KCTD16: variants seen among roughly 807,000 people sequenced by gnomAD.
The protein encoded by KCTD16 is potassium channel tetramerization domain containing 16, also known as BTB/POZ domain-containing protein KCTD16.
A neutral mutation model predicts 33.2 loss-of-function variants in KCTD16; 13 were observed. The observed-to-expected ratio is 0.39, with a 90% confidence interval of 0.25 to 0.62. The LOEUF is 0.62. KCTD16 is among the 20% of genes least tolerant of loss of function. KCTD16 has a pLI of 0.50. For synonymous variants in KCTD16, 197 were observed against 195.3 expected (o/e 1.01, Z -0.07); for missense variants, 441 against 525.1 (o/e 0.84, Z 1.57).
At chr5:144,305,558 G>T (rs1751580801) in intron 3 of KCTD16, among the ~76,000 whole-genome samples, 2 of 152,208 alleles carry the variant, frequency 1.3e-5, no homozygotes, top group South Asian at 4.1e-4. Context: ...GCTCACGCCT[G>T]TAATCCCAGC....
At chr5:144,425,516 G>A (rs999299625) in intron 3 of KCTD16, among the ~76,000 whole-genome samples, 9 of 151,796 alleles carry the variant, frequency 5.9e-5, no homozygotes, top group South Asian at 2.1e-4. Context: ...CTCTACTCCC[G>A]CAAGTTTCTT....
In KCTD16 at chr5:144,467,026, A is replaced by ATATATAGTGTT. The variant is rs1754353658; in HGVS notation, c.833-6634_833-6633insTATATAGTGTT. 4.1e-5 allele frequency among the ~76,000 whole-genome samples: 5 copies of ATATATAGTGTT among 123,456 alleles called. No homozygotes were observed. In the South Asian group the frequency reaches 9.4e-4, roughly 23 times the overall value. The allele number at this position is 123,456 out of a possible 152,430, so 81.0% of individuals were successfully genotyped here. A position where few individuals can be genotyped will look rare whatever the true frequency, so the allele number is the denominator to read the frequency against. ...ATATATTATATATAATATATATAAC[A>ATATATAGTGTT]CTATATATTATATATAATATATATA... On this transcript the variant is annotated intron_variant, in intron 3 of 3. Transcript: ENST00000512467.
At chr5:144,301,750 T>TA (rs1751450022) in intron 3 of KCTD16, among the ~76,000 whole-genome samples, 1 of 152,218 alleles carries the variant, frequency 6.6e-6, no homozygotes, top group Non-Finnish European at 1.5e-5. Flanking sequence ...ATGCTTCCCT[T>TA]AGCAACCAAG....
chr5:144,437,199 C>T lies in KCTD16; in HGVS notation c.833-36461C>T, dbSNP rs1417424515. 2.0e-5 allele frequency among the ~76,000 whole-genome samples: 3 copies of T among 152,250 alleles called. No individual in the cohort carries two copies. In the East Asian group the frequency reaches 5.8e-4, roughly 29 times the overall value. On this transcript the variant is annotated intron_variant, in intron 3 of 3. Coordinates refer to ENST00000512467, the MANE Select transcript of KCTD16 (RefSeq NM_020768.4). ...AATCCTCATGTATCTTTTGCATTTG[C>T]ATCATCTCCCTCAGGTGTGAATTTC...
chr5:144,246,721 CT>C (rs1298170798), intron 3 of KCTD16, among the ~76,000 whole-genome samples: 2 of 152,110 alleles, frequency 1.3e-5, no homozygotes, highest in African/African-American at 4.8e-5. Context: ...AAAATCAAGC[CT>C]TTATTGATCT....
At chr5:144,394,227 T>G (rs985090024) in intron 3 of KCTD16, among the ~76,000 whole-genome samples, 4 of 152,216 alleles carry the variant, frequency 2.6e-5, no homozygotes, top group African/African-American at 9.6e-5. Context: ...TCATGGATCA[T>G]GACAATGTCA....
chr5:144,293,434 TG>T (rs1441689320), intron 3 of KCTD16, among the ~76,000 whole-genome samples: 4 of 152,250 alleles, frequency 2.6e-5, no homozygotes, highest in African/African-American at 7.2e-5. Context: ...TTTAAAATTA[TG>T]GCTTTTCTAG....
At chr5:144,442,853 A>ATACCAGG (rs544861816) in intron 3 of KCTD16, among the ~76,000 whole-genome samples, 3,911 of 151,300 alleles carry the variant, frequency 0.026, 161 homozygotes, top group African/African-American at 0.091. Flanking sequence ...CCTTTGCTCT[A>ATACCAGG]TACTAGGTAC....
chr5:144,294,465 T>C (rs1215664718), intron 3 of KCTD16, among the ~76,000 whole-genome samples: 1 of 151,864 alleles, frequency 6.6e-6, no homozygotes, highest in Non-Finnish European at 1.5e-5. Context: ...TCTCTGGGTG[T>C]ATGTAAGCAT....
intron 3 of KCTD16, among the ~76,000 whole-genome samples, chr5:144,210,404 T>A (rs1753346449): frequency 6.6e-6 from 1 of 152,130 alleles, no homozygotes; most frequent in Non-Finnish European, 1.5e-5. Context: ...CTAAAAGAGT[T>A]AATATGAGTG....
intron 3 of KCTD16, chr5:144,384,426 T>C (rs370839093): frequency 3.3e-5 from 5 of 152,238 alleles, no homozygotes; most frequent in East Asian, 3.8e-4. Context: ...ACTGTTGGCA[T>C]TGCTGCTGAA....
chr5:144,283,893 A>G (rs1755671989), intron 3 of KCTD16, among the ~76,000 whole-genome samples: 1 of 152,174 alleles, frequency 6.6e-6, no homozygotes, highest in Non-Finnish European at 1.5e-5. Context: ...CAGAAATCTA[A>G]CAATATATTT....
chr5:144,221,308 T>C (rs1357537369), intron 3 of KCTD16, among the ~76,000 whole-genome samples: 2 of 152,196 alleles, frequency 1.3e-5, no homozygotes, highest in Non-Finnish European at 2.9e-5. Context: ...GGGATACATG[T>C]GCAGAACGTG....
chr5:144,187,046 T>G (rs1752741519), intron 2 of KCTD16, among the ~76,000 whole-genome samples: 1 of 152,146 alleles, frequency 6.6e-6, no homozygotes, highest in African/African-American at 2.4e-5. Flanking sequence ...GTCAAAGAAC[T>G]CCTTAGGGCT....
At chr5:144,293,898 G>A (rs1755963438) in intron 3 of KCTD16, among the ~76,000 whole-genome samples, 1 of 152,242 alleles carries the variant, frequency 6.6e-6, no homozygotes, top group East Asian at 1.9e-4. Flanking sequence ...GGTGGCTCAC[G>A]CCTGTAATCC....
At chr5:144,455,631 G>A (rs922265847) in intron 3 of KCTD16, among the ~76,000 whole-genome samples, 2 of 152,166 alleles carry the variant, frequency 1.3e-5, no homozygotes, top group Non-Finnish European at 2.9e-5. Context: ...TGAAGGATGG[G>A]TTGACTGTGA....
chr5:144,369,459 C>T (rs922680106), intron 3 of KCTD16: 7 of 152,118 alleles, frequency 4.6e-5, no homozygotes, highest in Non-Finnish European at 1.0e-4. Context: ...GTAGTCAACA[C>T]GTAATATGCA....
intron 3 of KCTD16, among the ~76,000 whole-genome samples, chr5:144,307,546 A>G (rs1193486065): frequency 6.6e-6 from 1 of 152,180 alleles, no homozygotes; most frequent in African/African-American, 2.4e-5. Context: ...GTGTTTATCA[A>G]ATGAAGTACT....
Position 144,471,988 on chromosome 5 carries a change from GTAAAGAACAGACTTTATACAAGAA to G in KCTD16, c.833-1671_833-1648del, listed in dbSNP as rs1754486436. On this transcript the variant is annotated intron_variant, in intron 3 of 3. Coordinates refer to ENST00000512467, the MANE Select transcript of KCTD16 (RefSeq NM_020768.4). ...TATGTATGTTTAAATCATTTAATAT[GTAAAGAACAGACTTTATACAAGAA>G]GATAGGATGTAATTTTCCTAATAGT... is the stretch of plus-strand genomic sequence containing the variant. 2.0e-5 allele frequency among the ~76,000 whole-genome samples: 3 copies of G among 152,230 alleles called. No homozygotes were observed. In the South Asian group the frequency reaches 6.2e-4, roughly 32 times the overall value.
Sources: gnomAD v4.1 joint callset for allele counts (sites outside exome capture counted in the v4.1 genomes callset) on GRCh38, gnomAD v4.1.1 for gene constraint, MANE v1.5 for transcripts, NCBI Gene and HGNC (gene_info 2026-07-23, HGNC 2026-07-21) for gene names.